RPS6KA2: variants seen among roughly 807,000 people sequenced by gnomAD.
RPS6KA2 encodes ribosomal protein S6 kinase A2, also known as ribosomal protein S6 kinase alpha-2.
A neutral mutation model predicts 91.8 loss-of-function variants in RPS6KA2; 42 were observed. The ratio of observed to expected loss-of-function variants is 0.46; its 90% confidence interval spans 0.36 to 0.59. The LOEUF (loss-of-function observed/expected upper bound fraction) is 0.59, where lower values mean the gene tolerates loss of function less well. Ranked by LOEUF, RPS6KA2 falls within the 20% of genes least tolerant of loss-of-function variation. The probability of loss-of-function intolerance (pLI) is 0.00; values close to 1 mark genes in which losing one functional copy is unlikely to be tolerated. For synonymous variants in RPS6KA2, 414 were observed against 393.6 expected (o/e 1.05, Z -0.61); for missense variants, 798 against 978.5 (o/e 0.82, Z 2.46).
chr6:166,669,738 C>T (rs769434428), intron 2 of RPS6KA2, among the ~76,000 whole-genome samples: 2 of 152,208 alleles, frequency 1.3e-5, no homozygotes, highest in Admixed American at 6.5e-5. Flanking sequence ...CAGCTCATGC[C>T]TGTGATGCTT....
chr6:166,629,286 C>T (rs571110039), upstream of RPS6KA2, among the ~76,000 whole-genome samples: 197 of 152,368 alleles, frequency 1.3e-3, 1 homozygote, highest in African/African-American at 4.4e-3. Flanking sequence ...GGACAAAAGC[C>T]CCAAGGCAGG....
chr6:166,507,136 G>GTGCCTCCCTCT lies in RPS6KA2; in HGVS notation c.459+1066_459+1067insAGAGGGAGGCA, dbSNP rs1433668617. On this transcript the variant is annotated intron_variant, in intron 5 of 20. Coordinates refer to ENST00000265678, the MANE Select transcript of RPS6KA2 (RefSeq NM_021135.6). The stretch of plus-strand genomic sequence containing the variant: ...GCCCCAATGTTCAGCCGGCTTAGCA[G>GTGCCTCCCTCT]TACCTCCCTCTTCCCTCCCTCTTCC... 2.6e-5 allele frequency among the ~76,000 whole-genome samples: 4 copies of GTGCCTCCCTCT among 152,160 alleles called. No homozygotes were observed. In the East Asian group the frequency reaches 7.7e-4, roughly 29 times the overall value.
At chr6:166,476,667 G>A (rs537885363) in intron 10 of RPS6KA2, among the ~76,000 whole-genome samples, 32 of 152,184 alleles carry the variant, frequency 2.1e-4, no homozygotes, top group African/African-American at 7.7e-4. Context: ...TCTCTCCCTG[G>A]GGGAGGCCAT....
intron 14 of RPS6KA2, among the ~76,000 whole-genome samples, chr6:166,436,428 A>G (rs1280537900): frequency 2.0e-5 from 3 of 152,094 alleles, no homozygotes; most frequent in African/African-American, 7.2e-5. Flanking sequence ...CTGGCCGGCC[A>G]GCAAGGCACA....
In RPS6KA2 at chr6:166,783,098, A is replaced by G. The variant is rs1045173251; in HGVS notation, c.123+75102T>C. Among the ~76,000 whole-genome samples, 166 of 120,844 alleles carry G rather than the reference A, an allele frequency of 1.4e-3. 1 individual carries two copies. The highest frequency in any genetic ancestry group is 3.9e-3 in the African/African-American group (123 of 31,190). 79.3% of individuals were successfully genotyped at this position (120,844 alleles called of 152,430 possible). On this transcript the variant is annotated intron_variant, in intron 2 of 21. Transcript: ENST00000503859. ...TATTATTATTATTATTATTATTATT[A>G]TTGTTTTTGAGACAGGGCCTCTCTG...
chr6:166,823,438 T>TGG (rs986428036), intron 2 of RPS6KA2, among the ~76,000 whole-genome samples: 27 of 17,630 alleles, frequency 1.5e-3, no homozygotes, highest in African/African-American at 2.4e-3. Flanking sequence ...TTTTGCAGTG[T>TGG]GTGTGTGTGT....
chr6:166,566,880 T>A (rs1784520714), intron 1 of RPS6KA2, among the ~76,000 whole-genome samples: 2 of 152,230 alleles, frequency 1.3e-5, no homozygotes, highest in African/African-American at 4.8e-5. Flanking sequence ...CCCACACTGT[T>A]CTGTGCCTGT....
In RPS6KA2 at chr6:166,453,073, C is replaced by T. The variant is rs111881830; in HGVS notation, c.1076-1840G>A. On this transcript the variant is annotated intron_variant, in intron 12 of 20. Coordinates refer to ENST00000265678, the MANE Select transcript of RPS6KA2 (RefSeq NM_021135.6). ...AAAATTAGCCAGGTGTGGTGGTGTA[C>T]GCCTGTAATCCCAGCTGCTTGGGAG... Among the ~76,000 whole-genome samples the T allele has an allele frequency of 1.1e-4, 17 of 151,904 alleles. No homozygotes were observed. The South Asian group carries it at 1.9e-3, about 17-fold the overall frequency.
At position 166,770,977 on chromosome 6, in the gene RPS6KA2, T is replaced by C; in HGVS notation, c.123+87223A>G. 6.8e-7 allele frequency: 1 copy of C among 1,465,198 alleles called. No individual in the cohort carries two copies. The highest frequency in any genetic ancestry group is 1.4e-5 in the African/African-American group (1 of 71,550). The allele number at this position is 1,465,198 out of a possible 1,614,324, so 90.8% of individuals were successfully genotyped here. On this transcript the variant is annotated intron_variant, in intron 2 of 21. Transcript: ENST00000503859. This position sits in a 1 kb window ranked among gnomAD's most constrained non-coding sequence, Gnocchi z 5.1. ...ACAGGACGTATTTACAGTCAGCAAC[T>C]TCATTAGCAAGGGCATTACTACCAT...
At chr6:166,693,014 G>C (rs1402170795) in intron 2 of RPS6KA2, among the ~76,000 whole-genome samples, 1 of 152,230 alleles carries the variant, frequency 6.6e-6, no homozygotes, top group African/African-American at 2.4e-5. Flanking sequence ...GAGAGGGCAA[G>C]AGGCAGTTGA....
chr6:166,708,989 T>C lies in RPS6KA2; in HGVS notation c.123+149211A>G, dbSNP rs146627545. On this transcript the variant is annotated intron_variant, in intron 2 of 21. Coordinates refer to the RPS6KA2 transcript ENST00000503859. The stretch of plus-strand genomic sequence containing the variant: ...AATAGAAGTGACACACCGCTCCGTG[T>C]TGATATTCAAAGTAGAGAAACAAGG... 5.3e-5 allele frequency among the ~76,000 whole-genome samples: 8 copies of C among 152,320 alleles called. No individual in the cohort carries two copies. The East Asian group carries it at 1.4e-3, about 26-fold the overall frequency.
intron 2 of RPS6KA2, among the ~76,000 whole-genome samples, chr6:166,689,481 C>T (rs747537765): frequency 1.1e-4 from 17 of 152,252 alleles, no homozygotes; most frequent in Non-Finnish European, 1.9e-4. Flanking sequence ...GTAAGGATCC[C>T]GAGGAAAGTG....
intron 14 of RPS6KA2, among the ~76,000 whole-genome samples, chr6:166,440,862 G>C (rs1004938106): frequency 6.6e-6 from 1 of 152,230 alleles, no homozygotes; most frequent in Non-Finnish European, 1.5e-5. Context: ...CGCAAGTGCC[G>C]CCGGTGAGTA....
intron 2 of RPS6KA2, among the ~76,000 whole-genome samples, chr6:166,847,815 A>T (rs927558400): frequency 6.6e-6 from 1 of 152,226 alleles, no homozygotes; most frequent in Non-Finnish European, 1.5e-5. Context: ...ATTCTAGAAG[A>T]TAACATTGGA....
chr6:166,631,606 T>C (rs1465950833), upstream of RPS6KA2, among the ~76,000 whole-genome samples: 1 of 152,260 alleles, frequency 6.6e-6, no homozygotes, highest in Non-Finnish European at 1.5e-5. Flanking sequence ...ACAGAGAGGC[T>C]GATCAAATAA....
At chr6:166,781,305 T>C (rs990211187) in intron 2 of RPS6KA2, among the ~76,000 whole-genome samples, 4 of 152,260 alleles carry the variant, frequency 2.6e-5, no homozygotes, top group Non-Finnish European at 5.9e-5. Flanking sequence ...TTTTGGGGAT[T>C]GTTCAAGATG....
intron 2 of RPS6KA2, among the ~76,000 whole-genome samples, chr6:166,638,239 C>A (rs540405681): frequency 3.9e-5 from 6 of 152,248 alleles, no homozygotes; most frequent in African/African-American, 1.4e-4. Context: ...AATCACTGTG[C>A]GCAAAATCCA....
At chr6:166,789,848 C>G (rs1779036172) in intron 2 of RPS6KA2, among the ~76,000 whole-genome samples, 1 of 152,144 alleles carries the variant, frequency 6.6e-6, no homozygotes, top group Non-Finnish European at 1.5e-5. Flanking sequence ...ACATCCACAC[C>G]AAAAACCCAT....
intron 2 of RPS6KA2, among the ~76,000 whole-genome samples, chr6:166,805,154 G>T (rs903645895): frequency 6.6e-6 from 1 of 152,186 alleles, no homozygotes; most frequent in African/African-American, 2.4e-5. Flanking sequence ...GTTACATTTG[G>T]TCAATTTTAC....
Sources: allele counts gnomAD v4.1 joint callset (sites outside exome capture counted in the v4.1 genomes callset), GRCh38; gene constraint gnomAD v4.1.1; non-coding constraint Gnocchi (gnomAD v3.1); transcripts MANE v1.5; gene names NCBI Gene and HGNC (gene_info 2026-07-23, HGNC 2026-07-21).